The following SIPA1L3 variants were observed in gnomAD, a reference collection of about 807,000 sequenced individuals.
The protein encoded by SIPA1L3 is signal induced proliferation associated 1 like 3, also known as signal-induced proliferation-associated 1-like protein 3.
Under a neutral mutation model 150.1 loss-of-function variants are expected in SIPA1L3, and 59 were observed. The ratio of observed to expected loss-of-function variants is 0.39; its 90% CI spans 0.32 to 0.49. The LOEUF (loss-of-function observed/expected upper bound fraction) is 0.49, where lower values mean the gene tolerates loss of function less well. Among genes scored for constraint, SIPA1L3 ranks in the 20% least tolerant of loss-of-function variants. SIPA1L3 has a pLI of 0.86. For synonymous variants in SIPA1L3, 1,070 were observed against 1,077.6 expected (o/e 0.99, Z 0.14); for missense variants, 2,211 against 2,489.5 (o/e 0.89, Z 2.38).
intron 16 of SIPA1L3, among the ~76,000 whole-genome samples, chr19:38,190,878 A>G (rs1421443492): frequency 3.3e-5 from 5 of 152,180 alleles, no homozygotes; most frequent in South Asian, 2.1e-4. Flanking sequence ...TTTAAATCCA[A>G]TGTGGCTGTT....
intron 1 of SIPA1L3, among the ~76,000 whole-genome samples, chr19:37,996,415 A>G (rs1452719047): frequency 2.0e-5 from 3 of 152,068 alleles, no homozygotes; most frequent in African/African-American, 7.2e-5. Context: ...TAAACATCAC[A>G]TATATTTATG....
chr19:37,955,018 C>A (rs1349663262), intron 1 of SIPA1L3, among the ~76,000 whole-genome samples: 1 of 133,708 alleles, frequency 7.5e-6, no homozygotes. Context: ...ACACAGGAGG[C>A]GGGGGTTGCA....
chr19:38,010,483 G>A (rs1170198844), intron 1 of SIPA1L3, among the ~76,000 whole-genome samples: 1 of 151,976 alleles, frequency 6.6e-6, no homozygotes, highest in Non-Finnish European at 1.5e-5. Flanking sequence ...GGCTGAGGCA[G>A]GTGGATCACC....
At chr19:37,980,751 C>G (rs1967182612) in intron 1 of SIPA1L3, among the ~76,000 whole-genome samples, 1 of 152,162 alleles carries the variant, frequency 6.6e-6, no homozygotes, top group Non-Finnish European at 1.5e-5. Flanking sequence ...TCTCTGTGGC[C>G]AAGTACACTT....
At chr19:38,166,473 A>G (rs113122178) in intron 15 of SIPA1L3, among the ~76,000 whole-genome samples, 3,754 of 151,976 alleles carry the variant, frequency 0.025, 145 homozygotes, top group African/African-American at 0.084. Flanking sequence ...AAAAAAAGAA[A>G]AGAAAAGAAA....
In SIPA1L3 at chr19:38,143,233, C is replaced by T. The variant is rs529344001; in HGVS notation, c.3533+523C>T. On this transcript the variant is annotated intron_variant, in intron 12 of 21. Transcript: ENST00000222345. ...TTCAAGGCCCTTCAGGCTCTGGCTC[C>T]GGCTGAGCTTATTCCCCAGCTGCCT... 2.0e-3 allele frequency among the ~76,000 whole-genome samples: 309 copies of T among 152,258 alleles called. 3 individuals are homozygous for T. Among genetic ancestry groups the T allele is most frequent in the African/African-American group, 7.0e-3 (289 of 41,558 alleles).
intron 19 of SIPA1L3, 137 bp from the exon 20 acceptor site, chr19:38,201,725 T>C (rs1973091134): frequency 3.3e-6 from 3 of 905,134 alleles, no homozygotes; most frequent in African/African-American, 3.4e-5. Context: ...GGCAAGAATC[T>C]ATCTAAGTGC....
intron 1 of SIPA1L3, among the ~76,000 whole-genome samples, chr19:37,935,584 G>A (rs1183590915): frequency 6.6e-6 from 1 of 152,168 alleles, no homozygotes; most frequent in East Asian, 1.9e-4. Flanking sequence ...CTTGCTTGGG[G>A]TCTGTTATGT....
intron 2 of SIPA1L3, among the ~76,000 whole-genome samples, chr19:38,060,171 A>G (rs1238357524): frequency 2.0e-5 from 3 of 152,222 alleles, no homozygotes; most frequent in Non-Finnish European, 4.4e-5. Context: ...AACTCTAAAT[A>G]ACGTGGTTCC....
intron 1 of SIPA1L3, among the ~76,000 whole-genome samples, chr19:38,009,820 G>A (rs1181962253): frequency 1.3e-5 from 2 of 152,072 alleles, no homozygotes; most frequent in Non-Finnish European, 2.9e-5. Context: ...TGACCAGGAG[G>A]ACAGGGTCTG....
chr19:38,156,869 A>T (rs1007570942), intron 13 of SIPA1L3, among the ~76,000 whole-genome samples: 1 of 152,070 alleles, frequency 6.6e-6, no homozygotes, highest in Non-Finnish European at 1.5e-5. Flanking sequence ...TGTATTCAAG[A>T]CTCAGAAAAA....
chr19:38,124,492 G>A (rs1396681094), intron 9 of SIPA1L3, among the ~76,000 whole-genome samples: 1 of 151,760 alleles, frequency 6.6e-6, no homozygotes, highest in East Asian at 2.0e-4. Context: ...ATGGCAGCCG[G>A]GCAGAGACGC....
intron 1 of SIPA1L3, among the ~76,000 whole-genome samples, chr19:38,027,791 A>G (rs1319420573): frequency 6.6e-6 from 1 of 151,658 alleles, no homozygotes; most frequent in Non-Finnish European, 1.5e-5. Flanking sequence ...AGCTGGGACT[A>G]TAGGCTTAGT....
intron 2 of SIPA1L3, among the ~76,000 whole-genome samples, chr19:38,078,591 CAG>C: frequency 9.3e-6 from 1 of 107,314 alleles, no homozygotes; most frequent in Non-Finnish European, 2.0e-5. Flanking sequence ...CACACACACA[CAG>C]ACACACACAC....
intron 1 of SIPA1L3, among the ~76,000 whole-genome samples, chr19:38,021,282 T>C (rs1471847577): frequency 6.6e-6 from 1 of 152,166 alleles, no homozygotes; most frequent in Non-Finnish European, 1.5e-5. Flanking sequence ...CGGTCCTTTG[T>C]GTCATATAAC....
intron 12 of SIPA1L3, among the ~76,000 whole-genome samples, chr19:38,144,280 G>A (rs1468443691): frequency 6.6e-6 from 1 of 152,242 alleles, no homozygotes; most frequent in Non-Finnish European, 1.5e-5. Flanking sequence ...GCGAGAGAGA[G>A]ACAGAGAGGG....
rs530350006 is a variant in SIPA1L3, at chr19:38,188,267, C to T, written c.4431-3878C>T. Among the ~76,000 whole-genome samples, 229 of 151,772 alleles carry T rather than the reference C, an allele frequency of 1.5e-3. 2 individuals carry two copies. The highest frequency in any genetic ancestry group is 5.4e-3 in the African/African-American group (224 of 41,366). ...GTGGCATGATCACAGCTCACTGCAG[C>T]CTCTGCCTCCTGGTACAAGTGATTC... On this transcript the variant is annotated intron_variant, in intron 16 of 21. Coordinates refer to ENST00000222345, the MANE Select transcript of SIPA1L3 (RefSeq NM_015073.3).
intron 2 of SIPA1L3, among the ~76,000 whole-genome samples, chr19:38,064,197 G>C (rs760930756): frequency 5.3e-5 from 8 of 152,226 alleles, no homozygotes; most frequent in Non-Finnish European, 1.0e-4. Context: ...TTCAGGGGAG[G>C]TCACGACAGC....
At chr19:37,976,844 TA>T (rs1253747109) in intron 1 of SIPA1L3, among the ~76,000 whole-genome samples, 1 of 152,154 alleles carries the variant, frequency 6.6e-6, no homozygotes, top group African/African-American at 2.4e-5. Context: ...CTATTAGTAT[TA>T]TTTTTTTGAG....
Sources: gnomAD v4.1 joint callset for allele counts (sites outside exome capture counted in the v4.1 genomes callset) on GRCh38, gnomAD v4.1.1 for gene constraint, MANE v1.5 for transcripts, NCBI Gene and HGNC (gene_info 2026-07-23, HGNC 2026-07-21) for gene names.